The following AUTS2 variants were observed in gnomAD, a reference collection of about 807,000 sequenced individuals.
AUTS2 encodes the protein activator of transcription and developmental regulator AUTS2, also known as autism susceptibility gene 2 protein.
In AUTS2, 17 loss-of-function variants were observed where a neutral mutation model predicts 112.4. The ratio of observed to expected loss-of-function variants is 0.15; its 90% CI spans 0.10 to 0.23. The LOEUF (loss-of-function observed/expected upper bound fraction) is 0.23. Among genes scored for constraint, AUTS2 ranks in the 10% least tolerant of loss-of-function variants. The pLI is 1.00. For synonymous variants in AUTS2, 751 were observed against 702.7 expected (o/e 1.07, Z -1.09); for missense variants, 1,510 against 1,701.6 (o/e 0.89, Z 1.98).
At position 69,999,728 on chromosome 7, in the gene AUTS2, A is replaced by G. The variant is rs1221548649; in HGVS notation, c.522+100230A>G. Among the ~76,000 whole-genome samples the G allele has an allele frequency of 3.3e-5, 5 of 152,208 alleles. No individual in the cohort carries two copies. In the East Asian group the frequency reaches 5.8e-4, roughly 18 times the overall value. On this transcript the variant is annotated intron_variant, in intron 2 of 18. Transcript: ENST00000342771. ...TGAAAATAGTAGTGAAGTTTTACAC[A>G]TTACATAGTTACCCCCCTGCCACAC... is the stretch of plus-strand genomic sequence containing the variant.
At chr7:70,407,637 A>G (rs2130350170) in intron 4 of AUTS2, among the ~76,000 whole-genome samples, 1 of 152,258 alleles carries the variant, frequency 6.6e-6, no homozygotes, top group East Asian at 1.9e-4. Flanking sequence ...GAATATAGTG[A>G]GCCAGGTGGG....
intron 1 of AUTS2, among the ~76,000 whole-genome samples, chr7:69,775,752 C>T (rs1788865916): frequency 6.6e-6 from 1 of 152,142 alleles, no homozygotes; most frequent in African/African-American, 2.4e-5. Context: ...GCCGGGTGAG[C>T]TGCTAGCATT....
At chr7:70,367,715 G>A (rs1792649946) in intron 4 of AUTS2, among the ~76,000 whole-genome samples, 1 of 152,156 alleles carries the variant, frequency 6.6e-6, no homozygotes, top group South Asian at 2.1e-4. Flanking sequence ...CTAGGAAGCA[G>A]TAGTTTTGCA....
chr7:69,693,913 C>T (rs1449591475), intron 1 of AUTS2, among the ~76,000 whole-genome samples: 5 of 152,146 alleles, frequency 3.3e-5, no homozygotes, highest in South Asian at 2.1e-4. Context: ...AATTTTAATA[C>T]GCTGTGTAGG....
At chr7:70,546,264 T>G (rs1015385369) in intron 5 of AUTS2, among the ~76,000 whole-genome samples, 1 of 150,722 alleles carries the variant, frequency 6.6e-6, no homozygotes, top group Non-Finnish European at 1.5e-5. Context: ...GCCAACATGG[T>G]AAAACCCCAT....
chr7:70,177,801 G>C (rs1809070088), intron 4 of AUTS2, among the ~76,000 whole-genome samples: 1 of 99,426 alleles, frequency 1.0e-5, no homozygotes, highest in African/African-American at 4.3e-5. Context: ...AATTAAATCT[G>C]TCTGTTCTGC....
intron 1 of AUTS2, among the ~76,000 whole-genome samples, chr7:69,770,146 G>A (rs1045294997): frequency 2.0e-5 from 3 of 152,182 alleles, no homozygotes; most frequent in Non-Finnish European, 4.4e-5. Flanking sequence ...GTGTATACTG[G>A]TCATCTTTTA....
At chr7:69,615,881 A>G (rs1365320092) in intron 1 of AUTS2, among the ~76,000 whole-genome samples, 2 of 152,252 alleles carry the variant, frequency 1.3e-5, no homozygotes, top group African/African-American at 4.8e-5. Context: ...TAGAAAACAT[A>G]TGGACATGCA....
intron 6 of AUTS2, among the ~76,000 whole-genome samples, chr7:70,710,779 C>T (rs895027880): frequency 2.0e-5 from 3 of 152,210 alleles, no homozygotes; most frequent in Admixed American, 6.5e-5. Flanking sequence ...AAAGGAGGAA[C>T]GTCACAGACA....
intron 4 of AUTS2, among the ~76,000 whole-genome samples, chr7:70,296,556 T>C (rs1026903273): frequency 1.4e-4 from 21 of 152,312 alleles, no homozygotes; most frequent in Middle Eastern, 3.4e-3. Flanking sequence ...TCTTCCCACA[T>C]CGTGAGATGT....
intron 1 of AUTS2, among the ~76,000 whole-genome samples, chr7:69,847,179 A>G (rs182860213): frequency 1.3e-5 from 2 of 152,346 alleles, no homozygotes; most frequent in East Asian, 1.9e-4. Flanking sequence ...CATACGACGT[A>G]GAGATCAAAA....
At chr7:69,766,684 T>C (rs1788436310) in intron 1 of AUTS2, among the ~76,000 whole-genome samples, 1 of 152,164 alleles carries the variant, frequency 6.6e-6, no homozygotes, top group Admixed American at 6.5e-5. Context: ...TCAGCCACTT[T>C]CCATGGCTCA....
In AUTS2 at chr7:70,673,387, GA is replaced by G. The variant is rs34119228; in HGVS notation, c.691-25181del. 5.0e-3 allele frequency among the ~76,000 whole-genome samples: 714 copies of G among 142,858 alleles called. 3 individuals carry two copies. Among genetic ancestry groups the G allele is most frequent in the African/African-American group, 0.017 (664 of 38,692 alleles). 93.7% of individuals were successfully genotyped at this position (142,858 alleles called of 152,430 possible). A position where few individuals can be genotyped will look rare whatever the true frequency, so the allele number is the denominator to read the frequency against. ...TTTTTTCTTTTCTTTTTTTTTTTAA[GA>G]CAGGGTCTCTCTTTGTCTCCCAGGC... On this transcript the variant is annotated intron_variant, in intron 5 of 18. Transcript: ENST00000342771.
At position 70,419,409 on chromosome 7, in the gene AUTS2, G is replaced by A. The variant is rs375269494; in HGVS notation, c.661-16343G>A. On this transcript the variant is annotated intron_variant, in intron 4 of 18. Coordinates refer to ENST00000342771, the MANE Select transcript of AUTS2 (RefSeq NM_015570.4). ...AGACTCCTTCTTTCACTGTAAAATT[G>A]GAAAACTAAAACCTACACACTGGGG... is the stretch of plus-strand genomic sequence containing the variant. Among the ~76,000 whole-genome samples the A allele has an allele frequency of 8.5e-5, 12 of 141,358 alleles. No homozygotes were observed. In the East Asian group the frequency reaches 9.3e-4, roughly 11 times the overall value. 92.7% of individuals were successfully genotyped at this position (141,358 alleles called of 152,430 possible). A position where few individuals can be genotyped will look rare whatever the true frequency, so the allele number is the denominator to read the frequency against.
chr7:69,605,979 G>A (rs1212289194), intron 1 of AUTS2, among the ~76,000 whole-genome samples: 1 of 152,136 alleles, frequency 6.6e-6, no homozygotes, highest in Non-Finnish European at 1.5e-5. Context: ...TGTGAGATGT[G>A]GTTGAACGTT....
At chr7:70,780,031 A>T (rs1790964886) in intron 14 of AUTS2, among the ~76,000 whole-genome samples, 1 of 152,078 alleles carries the variant, frequency 6.6e-6, no homozygotes, top group African/African-American at 2.4e-5. Flanking sequence ...CTCTTTAAAA[A>T]AAAAAAAAAA....
chr7:70,604,870 G>T (rs958926187), intron 5 of AUTS2, among the ~76,000 whole-genome samples: 18 of 152,314 alleles, frequency 1.2e-4, no homozygotes, highest in Admixed American at 8.5e-4. Context: ...CTTAACCCAG[G>T]AGTTTCCCCA....
Position 70,789,641 on chromosome 7 carries a change from G to GC in AUTS2, c.2532-102dup, listed in dbSNP as rs1354302252. On this transcript the variant is annotated intron_variant, in intron 18 of 18. Transcript: ENST00000342771. ...GCTGCCTTGGCGACCATGGGAAGCAGCCCCCAGCCTGTCCTCTTCACACCA... is the reference window on the plus strand; with the variant it reads ...GCTGCCTTGGCGACCATGGGAAGCAGCCCCCCAGCCTGTCCTCTTCACACCA... 5.9e-6 allele frequency: 8 copies of GC among 1,347,288 alleles called. No individual in the cohort carries two copies. In the Admixed American group the frequency reaches 1.5e-4, roughly 26 times the overall value. 83.5% of individuals were successfully genotyped at this position (1,347,288 alleles called of 1,614,324 possible).
At chr7:69,692,899 A>G (rs1797407800) in intron 1 of AUTS2, among the ~76,000 whole-genome samples, 2 of 152,240 alleles carry the variant, frequency 1.3e-5, no homozygotes, top group Non-Finnish European at 2.9e-5. Flanking sequence ...CCAGCTTTCA[A>G]GAGGCTGGTC....
Sources: gnomAD v4.1 joint callset for allele counts (sites outside exome capture counted in the v4.1 genomes callset) on GRCh38, gnomAD v4.1.1 for gene constraint, MANE v1.5 for transcripts, NCBI Gene and HGNC (gene_info 2026-07-23, HGNC 2026-07-21) for gene names.